KIF21A: variants seen among roughly 807,000 people sequenced by gnomAD.
The protein encoded by KIF21A is kinesin-like protein KIF21A.
In KIF21A, 114 loss-of-function variants were observed where a neutral mutation model predicts 202.9. That is an observed-to-expected ratio of 0.56 (90% CI 0.48 to 0.66). The LOEUF (loss-of-function observed/expected upper bound fraction) is 0.66, where lower values mean the gene tolerates loss of function less well. Ranked by LOEUF, KIF21A falls within the 30% of genes least tolerant of loss-of-function variation. The pLI is 0.00. For synonymous variants in KIF21A, 667 were observed against 670.8 expected, an observed-to-expected ratio of 0.99 and a Z score of 0.09; for missense variants, 1,677 against 1,994.9, an observed-to-expected ratio of 0.84 and a Z score of 3.04.
intron 1 of KIF21A, among the ~76,000 whole-genome samples, chr12:39,381,246 T>C (rs537101465): frequency 1.4e-5 from 2 of 146,922 alleles, no homozygotes; most frequent in South Asian, 2.1e-4. Flanking sequence ...AGGCAGAGCT[T>C]ACAGTGAGCA....
chr12:39,319,107 A>T (rs1439813091), intron 28 of KIF21A, among the ~76,000 whole-genome samples: 1 of 152,264 alleles, frequency 6.6e-6, no homozygotes, highest in East Asian at 1.9e-4. Flanking sequence ...CACGGAAAAT[A>T]AATGAACACT....
rs903675171 is a variant in KIF21A at position 39,340,207 on chromosome 12, C to T, written c.2268G>A (p.Leu756=). The change falls in exon 16 of 38, where the codon TTG becomes TTA. Residue 756 remains leucine (L), a synonymous_variant. Transcript: ENST00000361418. ...CCATCACATCCTGCTGCAATTTCTT[C>T]AATTGCTTTTCATACTGAGACTGAT... ...LKNQSQYEKQ[L]KKLQQDVMEM... 1.2e-6 allele frequency: 2 copies of T among 1,612,638 alleles called. No individual in the cohort carries two copies. Among genetic ancestry groups the T allele is most frequent in the African/African-American group, 2.7e-5 (2 of 74,828 alleles).
At chr12:39,337,417 C>G in intron 16 of KIF21A, 1 of 522,994 alleles carries the variant, frequency 1.9e-6, no homozygotes, top group Non-Finnish European at 3.4e-6. Flanking sequence ...GTATTCTATG[C>G]TTTTTGTATT....
At chr12:39,341,434 T>C (rs1947433805) in intron 14 of KIF21A, 71 bp downstream of exon 14, 2 of 1,428,000 alleles carry the variant, frequency 1.4e-6, no homozygotes, top group Admixed American at 1.7e-5. Flanking sequence ...TAGAGAATGT[T>C]AAGAGTTTTC....
chr12:39,331,913 G>T, intron 21 of KIF21A, 122 bp from the exon 22 acceptor site: 1 of 795,626 alleles, frequency 1.3e-6, no homozygotes, highest in Non-Finnish European at 2.2e-6. Flanking sequence ...TCAGATAAGT[G>T]CAATATATGA....
chr12:39,295,692 GTTTTTTTTTTTTT>G (rs1054983568), intron 37 of KIF21A, among the ~76,000 whole-genome samples: 11 of 78,130 alleles, frequency 1.4e-4, no homozygotes, highest in South Asian at 5.7e-4. Context: ...CTTGGGATAT[GTTTTTTTTTTTTT>G]TTTTTTTTTT....
Position 39,428,228 on chromosome 12 carries a change from G to A in KIF21A, c.44+14699C>T, listed in dbSNP as rs146048863. On this transcript the variant is annotated intron_variant, in intron 1 of 37. Coordinates refer to ENST00000361418, the MANE Select transcript of KIF21A (RefSeq NM_001173464.2). Reference sequence around the variant, plus strand: ...TACCACAAATATTCTAGGTCCATCTGACAGTATTTCATTTCACAGTAAACC... The same window carrying A: ...TACCACAAATATTCTAGGTCCATCTAACAGTATTTCATTTCACAGTAAACC... Among the ~76,000 whole-genome samples, 15 of 152,316 alleles carry A rather than the reference G, an allele frequency of 9.8e-5. No homozygotes were observed. The East Asian group carries it at 2.9e-3, about 29-fold the overall frequency.
At chr12:39,428,723 G>A (rs1954953097) in intron 1 of KIF21A, among the ~76,000 whole-genome samples, 1 of 152,174 alleles carries the variant, frequency 6.6e-6, no homozygotes, top group Non-Finnish European at 1.5e-5. Context: ...ACTTTGGGAG[G>A]CCGAGGTGGG....
At chr12:39,435,171 C>G (rs182185858) in intron 1 of KIF21A, among the ~76,000 whole-genome samples, 89 of 152,264 alleles carry the variant, frequency 5.8e-4, no homozygotes, top group African/African-American at 2.1e-3. Context: ...GTTCTTTCCT[C>G]TTACTGAAGA....
At chr12:39,319,101 G>A (rs1252350209) in intron 28 of KIF21A, among the ~76,000 whole-genome samples, 1 of 152,216 alleles carries the variant, frequency 6.6e-6, no homozygotes, top group African/African-American at 2.4e-5. Context: ...TTTAGGCACG[G>A]AAAATAAATG....
chr12:39,368,263 G>A (rs2139138638), intron 3 of KIF21A, among the ~76,000 whole-genome samples: 1 of 152,198 alleles, frequency 6.6e-6, no homozygotes, highest in South Asian at 2.1e-4. Flanking sequence ...ATGACTAATG[G>A]GTTGAGGACT....
intron 4 of KIF21A, 86 bp from the exon 5 acceptor site, chr12:39,367,250 C>T (rs1191152111): frequency 2.8e-6 from 4 of 1,410,668 alleles, no homozygotes; most frequent in Non-Finnish European, 4.0e-6. Flanking sequence ...GGCTAAAACC[C>T]ACCATGTTAA....
At chr12:39,421,123 A>G (rs1272003193) in intron 1 of KIF21A, among the ~76,000 whole-genome samples, 1 of 152,164 alleles carries the variant, frequency 6.6e-6, no homozygotes, top group African/African-American at 2.4e-5. Context: ...CTATGTTCAG[A>G]TCTGTTTAGA....
At position 39,428,097 on chromosome 12, in the gene KIF21A, T is replaced by C. The variant is rs535763074; in HGVS notation, c.44+14830A>G. ...AGAATGTTCATTCTTAGTCTAGTCC[T>C]ACTATTGTGTTCATTATCCTAATAG... On this transcript the variant is annotated intron_variant, in intron 1 of 37. Coordinates refer to ENST00000361418, the MANE Select transcript of KIF21A (RefSeq NM_001173464.2). 2.6e-5 allele frequency among the ~76,000 whole-genome samples: 4 copies of C among 152,366 alleles called. No individual in the cohort carries two copies. In the South Asian group the frequency reaches 8.3e-4, roughly 32 times the overall value.
intron 33 of KIF21A, among the ~76,000 whole-genome samples, chr12:39,309,108 T>C (rs1208653767): frequency 2.0e-5 from 3 of 152,268 alleles, no homozygotes; most frequent in East Asian, 1.9e-4. Context: ...GTTATGAAAT[T>C]TGTACTCACA....
At chr12:39,362,100 C>T (rs894336929) in intron 7 of KIF21A, among the ~76,000 whole-genome samples, 1 of 152,070 alleles carries the variant, frequency 6.6e-6, no homozygotes, top group Admixed American at 6.6e-5. Flanking sequence ...CTGTAAAGTT[C>T]TCACTCCCTC....
chr12:39,316,474 A>T (rs1254895155), intron 29 of KIF21A, among the ~76,000 whole-genome samples: 3 of 152,166 alleles, frequency 2.0e-5, no homozygotes, highest in Non-Finnish European at 4.4e-5. Flanking sequence ...TTTTGGCTTT[A>T]ACTTATCTCA....
chr12:39,383,738 G>C (rs965555760), intron 1 of KIF21A, among the ~76,000 whole-genome samples: 3 of 152,158 alleles, frequency 2.0e-5, no homozygotes, highest in African/African-American at 7.2e-5. Context: ...GTTCAAGGCT[G>C]CAGTGAGCTA....
At chr12:39,350,413 A>T (rs1948269564) in intron 11 of KIF21A, among the ~76,000 whole-genome samples, 1 of 152,022 alleles carries the variant, frequency 6.6e-6, no homozygotes, top group African/African-American at 2.4e-5. Context: ...GCTTATACTT[A>T]CTTATTATTT....
Sources: allele counts gnomAD v4.1 joint callset (sites outside exome capture counted in the v4.1 genomes callset), GRCh38; gene constraint gnomAD v4.1.1; transcripts MANE v1.5; gene names NCBI Gene and HGNC (gene_info 2026-07-23, HGNC 2026-07-21).